The following SYNE1 variants were observed in gnomAD, a reference collection of about 807,000 sequenced individuals.
SYNE1 encodes the protein spectrin repeat containing nuclear envelope protein 1.
Under a neutral mutation model 1,111.0 loss-of-function variants are expected in SYNE1, and 616 were observed. The observed-to-expected ratio is 0.55, with a 90% CI of 0.52 to 0.59. The LOEUF is 0.59. Among genes scored for constraint, SYNE1 ranks in the 20% least tolerant of loss-of-function variants. SYNE1 has a pLI of 0.00. For missense variants in SYNE1, 10,006 were observed against 10,417.0 expected, an observed-to-expected ratio of 0.96 and a Z score of 1.72; for synonymous variants, 3,855 against 3,825.8, an observed-to-expected ratio of 1.01 and a Z score of -0.28.
In SYNE1 at chr6:152,331,054, T is replaced by C; in HGVS notation, c.13631A>G (p.Asp4544Gly). The C allele has an allele frequency of 6.2e-7, 1 of 1,614,182 alleles. No homozygotes were observed. The highest frequency in any genetic ancestry group is 8.5e-7 in the Non-Finnish European group (1 of 1,180,044). The change falls in exon 78 of 146, where the codon GAC (aspartate) becomes GGC (glycine). Residue 4544 changes from aspartate (D) to glycine (G), a missense_variant. Physicochemically the swap from Asp to Gly is moderately conservative, Grantham distance 94. This residue lies in a region of SYNE1 where 4,955 missense variants were observed against 5,017.2 expected (regional missense o/e 0.99). Coordinates refer to ENST00000367255, the MANE Select transcript of SYNE1 (RefSeq NM_182961.4). ...GTGACTGCACTTTTGTAAAACACTG[T>C]CATAGACACTCTGCAATTCCTGAAG... is the stretch of plus-strand genomic sequence containing the variant. ...GKLQELQSVY[D>G]SVLQKCSHRL... is the part of the protein sequence containing the mutation.
At chr6:152,564,448 C>T (rs1248681118) in intron 3 of SYNE1, among the ~76,000 whole-genome samples, 1 of 152,106 alleles carries the variant, frequency 6.6e-6, no homozygotes, top group African/African-American at 2.4e-5. Context: ...TCCCAAGTAG[C>T]TGGGACTACA....
At chr6:152,583,539 G>A (rs1032605302) in intron 3 of SYNE1, among the ~76,000 whole-genome samples, 1 of 152,140 alleles carries the variant, frequency 6.6e-6, no homozygotes, top group Non-Finnish European at 1.5e-5. Context: ...CAATGTGTGG[G>A]ACCTTTATCA....
intron 3 of SYNE1, among the ~76,000 whole-genome samples, chr6:152,614,184 T>C (rs2099639654): frequency 6.6e-6 from 1 of 151,836 alleles, no homozygotes; most frequent in African/African-American, 2.4e-5. Flanking sequence ...GAAACTACCA[T>C]CAGAGTGAAC....
chr6:152,570,314 T>C (rs1045260820), intron 3 of SYNE1, among the ~76,000 whole-genome samples: 1 of 152,224 alleles, frequency 6.6e-6, no homozygotes, highest in Non-Finnish European at 1.5e-5. Context: ...CAGAAAAATC[T>C]TTTGAATCTC....
At position 152,484,039 on chromosome 6, in the gene SYNE1, A is replaced by C. The variant is rs1486694569; in HGVS notation, c.1186-790T>G. 4.9e-5 allele frequency among the ~76,000 whole-genome samples: 4 copies of C among 82,028 alleles called. No homozygotes were observed. The East Asian group carries it at 1.3e-3, about 27-fold the overall frequency. 53.8% of individuals were successfully genotyped at this position (82,028 alleles called of 152,430 possible). A position where few individuals can be genotyped will look rare whatever the true frequency, so the allele number is the denominator to read the frequency against. On this transcript the variant is annotated intron_variant, in intron 13 of 145. Transcript: ENST00000367255. ...CAATATAGTGAGATCTCATCTCTAC[A>C]AAAAAAAAAAAAAAAAAAAAAAATT...
In SYNE1 at chr6:152,381,375, A is replaced by G; in HGVS notation, c.8653-13T>C. Reference sequence around the variant, plus strand: ...AATCTATCAGCTCCTGTAATGGAATATCACCATGGTAACTGAAGAGCCTGT... The same window carrying G: ...AATCTATCAGCTCCTGTAATGGAATGTCACCATGGTAACTGAAGAGCCTGT... On this transcript the variant is annotated splice_polypyrimidine_tract_variant and intron_variant, in intron 55 of 145. Coordinates refer to ENST00000367255, the MANE Select transcript of SYNE1 (RefSeq NM_182961.4). 1 of 1,611,732 alleles carries G rather than the reference A, an allele frequency of 6.2e-7. No individual in the cohort carries two copies. The highest frequency in any genetic ancestry group is 8.5e-7 in the Non-Finnish European group (1 of 1,179,478).
Position 152,589,015 on chromosome 6 carries a change from T to C in SYNE1, c.67+39250A>G, listed in dbSNP as rs552618015. On this transcript the variant is annotated intron_variant, in intron 3 of 145. Transcript: ENST00000367255. ...TCTAGGCTGGAGTTCAGAGGCATGATCTTGGCTCACTGCAACCTCTACCTC... is the reference window on the plus strand; with the variant it reads ...TCTAGGCTGGAGTTCAGAGGCATGACCTTGGCTCACTGCAACCTCTACCTC... Among the ~76,000 whole-genome samples, 219 of 152,128 alleles carry C rather than the reference T, an allele frequency of 1.4e-3. 1 individual carries two copies. In the Middle Eastern group the frequency reaches 0.02, roughly 14 times the overall value.
At chr6:152,233,676 T>C (rs1230613692) in intron 112 of SYNE1, 105 bp downstream of exon 112, 2 of 1,410,836 alleles carry the variant, frequency 1.4e-6, no homozygotes, top group Non-Finnish European at 9.8e-7. Context: ...GCCAGGTGTC[T>C]GGGACAAAGC....
At chr6:152,130,685 T>C (rs769317856) in intron 145 of SYNE1, 35 bp downstream of exon 145, 1 of 1,612,378 alleles carries the variant, frequency 6.2e-7, no homozygotes, top group South Asian at 1.1e-5. Flanking sequence ...CTCTTGGGGT[T>C]CTAGAACAGT....
In SYNE1 at chr6:152,329,673, A is replaced by T. The variant is rs201144540; in HGVS notation, c.14955+57T>A. 6.0e-4 allele frequency: 975 copies of T among 1,611,746 alleles called. 1 individual carries two copies. Among genetic ancestry groups the T allele is most frequent in the Non-Finnish European group, 7.9e-4 (929 of 1,178,442 alleles). ...ATAACCAAGCAAACGAATTTCTTGT[A>T]CCTGTTTACAAATAAGCAGAGTGGA... On this transcript the variant is annotated intron_variant, in intron 78 of 145. Coordinates refer to ENST00000367255, the MANE Select transcript of SYNE1 (RefSeq NM_182961.4).
chr6:152,369,504 C>A lies in SYNE1; in HGVS notation c.9618G>T (p.Leu3206=). 1.9e-6 allele frequency: 3 copies of A among 1,614,162 alleles called. No homozygotes were observed. Among genetic ancestry groups the A allele is most frequent in the Non-Finnish European group, 2.5e-6 (3 of 1,180,024 alleles). ...VHESSNRLYD[L]PAKRREQQKL... ...TCTGCTGCTCCCTCCTCTTTGCTGG[C>A]AGATCATAGAGGCGATTGCTGCTTT... The change falls in exon 60 of 146, where the codon CTG becomes CTT. Residue 3206 remains leucine (L), a synonymous_variant. Coordinates refer to ENST00000367255, the MANE Select transcript of SYNE1 (RefSeq NM_182961.4).
Position 152,396,971 on chromosome 6 carries a change from C to T in SYNE1, c.7360G>A (p.Asp2454Asn). Reference sequence around the variant, plus strand: ...TTGCTCTGCCCATCACTGACTGAGTCCAAAATGTTCTGTTTCAGGAAATAA... The same window carrying T: ...TTGCTCTGCCCATCACTGACTGAGTTCAAAATGTTCTGTTTCAGGAAATAA... Reference protein sequence around the residue: ...AKLHDLQNILDSVSDGQSKLD... With the variant: ...AKLHDLQNILNSVSDGQSKLD... The change falls in exon 50 of 146, where the codon GAC (aspartate) becomes AAC (asparagine). Residue 2454 changes from aspartate to asparagine, a missense_variant. Transcript: ENST00000367255. 6.2e-7 allele frequency: 1 copy of T among 1,614,136 alleles called. No homozygotes were observed. Among genetic ancestry groups the T allele is most frequent in the Non-Finnish European group, 8.5e-7 (1 of 1,180,024 alleles).
chr6:152,151,822 T>C, intron 134 of SYNE1, 132 bp from the exon 135 acceptor site: 1 of 1,490,516 alleles, frequency 6.7e-7, no homozygotes, highest in South Asian at 1.2e-5. Flanking sequence ...CTGCAATCCT[T>C]TGCTATATCA....
intron 3 of SYNE1, among the ~76,000 whole-genome samples, chr6:152,599,860 C>G (rs1190468573): frequency 1.3e-5 from 2 of 152,156 alleles, no homozygotes; most frequent in East Asian, 3.9e-4. Flanking sequence ...TAACAAGGTG[C>G]TACAAGTCAA....
intron 58 of SYNE1, among the ~76,000 whole-genome samples, chr6:152,374,937 T>TTTATC (rs954061371): frequency 6.6e-6 from 1 of 151,784 alleles, no homozygotes; most frequent in African/African-American, 2.4e-5. Flanking sequence ...TTTATTTTAT[T>TTTATC]TTATTTTATT....
intron 39 of SYNE1, among the ~76,000 whole-genome samples, chr6:152,420,889 T>C (rs1199172342): frequency 1.3e-5 from 2 of 152,236 alleles, no homozygotes; most frequent in African/African-American, 4.8e-5. Flanking sequence ...ATATTTTTTC[T>C]CTCTACTTGA....
At chr6:152,610,444 GA>G (rs1270708665) in intron 3 of SYNE1, among the ~76,000 whole-genome samples, 1 of 151,822 alleles carries the variant, frequency 6.6e-6, no homozygotes, top group African/African-American at 2.4e-5. Context: ...CAAGGCTAGA[GA>G]AAAAAAAGTA....
At chr6:152,460,115 T>C (rs1483885477) in intron 21 of SYNE1, among the ~76,000 whole-genome samples, 1 of 152,102 alleles carries the variant, frequency 6.6e-6, no homozygotes, top group Non-Finnish European at 1.5e-5. Context: ...AAAAGGCAAA[T>C]GACAATTTGC....
At chr6:152,283,836 TGGAGACCA>T (rs975172486) in intron 96 of SYNE1, 134 bp downstream of exon 96, 140 of 781,122 alleles carry the variant, frequency 1.8e-4, no homozygotes, top group Non-Finnish European at 4.2e-5. Context: ...CTCCCGGCCG[TGGAGACCA>T]TTCTTGAAAC....
Sources: gnomAD v4.1 joint callset for allele counts (sites outside exome capture counted in the v4.1 genomes callset) on GRCh38, gnomAD v4.1.1 for gene constraint, gnomAD v4.1.1 regional missense constraint, MANE v1.5 for transcripts, NCBI Gene and HGNC (gene_info 2026-07-23, HGNC 2026-07-21) for gene names.